KCNH4: variants seen among roughly 807,000 people sequenced by gnomAD.
KCNH4 encodes voltage-gated delayed rectifier potassium channel KCNH4.
Under a neutral mutation model 90.7 loss-of-function variants are expected in KCNH4, and 33 were observed. The observed-to-expected ratio is 0.36, with a 90% CI of 0.28 to 0.49. The LOEUF (loss-of-function observed/expected upper bound fraction) is 0.49, where lower values mean the gene tolerates loss of function less well. Among genes scored for constraint, KCNH4 ranks in the 20% least tolerant of loss-of-function variants. The pLI, the probability that KCNH4 is intolerant of heterozygous loss-of-function variation, is 0.98. For synonymous variants in KCNH4, 551 were observed against 581.7 expected (o/e 0.95, Z 0.76); for missense variants, 1,044 against 1,387.1 (o/e 0.75, Z 3.93).
chr17:42,174,543 C>T (rs548550963), intron 6 of KCNH4, among the ~76,000 whole-genome samples: 1 of 152,290 alleles, frequency 6.6e-6, no homozygotes, highest in South Asian at 2.1e-4. Context: ...CACGTGTGCA[C>T]AGCCAGGAGA....
At chr17:42,166,697 C>T in intron 9 of KCNH4, 151 bp from the exon 10 acceptor site, 2 of 1,016,526 alleles carry the variant, frequency 2.0e-6, no homozygotes, top group Non-Finnish European at 2.8e-6. Flanking sequence ...CTGTGTCTAA[C>T]CTCAATTTTG....
intron 15 of KCNH4, 66 bp downstream of exon 15, chr17:42,162,182 G>A: frequency 4.9e-6 from 7 of 1,418,722 alleles, no homozygotes; most frequent in South Asian, 1.2e-5. Context: ...CTGACCTCAA[G>A]TGAGCCACGT....
At chr17:42,173,147 T>A (rs1297346342) in intron 6 of KCNH4, among the ~76,000 whole-genome samples, 1 of 151,874 alleles carries the variant, frequency 6.6e-6, no homozygotes, top group Admixed American at 6.6e-5. Flanking sequence ...GGGCAGGGCT[T>A]ATCTTCTGGG....
Position 42,169,495 on chromosome 17 carries a change from G to A in KCNH4, c.1572C>T (p.Ser524=), listed in dbSNP as rs141918225. The A allele has an allele frequency of 6.4e-5, 104 of 1,612,868 alleles. No homozygotes were observed. The African/African-American group carries it at 1.1e-3, about 17-fold the overall frequency. The part of the protein sequence containing the change: ...EYFQTTWAVN[S]GIDANELLRD... ...AGGCTACCTCGTTGGCGTCGATGCC[G>A]CTGTTGACGGCCCACGTGGTCTGGA... Residue 524 remains serine, a synonymous_variant, in exon 9 of 17, where the codon AGC becomes AGT. Transcript: ENST00000264661.
intron 5 of KCNH4, 61 bp from the exon 6 acceptor site, chr17:42,175,797 G>T: frequency 6.3e-7 from 1 of 1,591,470 alleles, no homozygotes; most frequent in African/African-American, 1.3e-5. Context: ...AACCGACAAA[G>T]CTGGGAACAA....
In KCNH4 at chr17:42,160,204, T is replaced by C. The variant is rs2079735952; in HGVS notation, c.2890A>G (p.Thr964Ala). 1.9e-6 allele frequency: 3 copies of C among 1,613,740 alleles called. No homozygotes were observed. The highest frequency in any genetic ancestry group is 8.5e-7 in the Non-Finnish European group (1 of 1,179,868). Residue 964 changes from threonine to alanine, a missense_variant, in exon 16 of 17, where the codon ACC becomes GCC. Around this residue, in one of 4 missense-constraint regions of KCNH4, gnomAD observed 441 missense variants for 512.3 expected, o/e 0.86. Transcript: ENST00000264661. ...AEVHCPASVG[T>A]METGTALLDL... is the part of the protein sequence containing the mutation. ...AGGAGCGCAGTCCCTGTCTCCATGG[T>C]CCCCACACTGGCTGGGCAGTGAACT...
At chr17:42,175,181 G>C (rs1185234224) in intron 6 of KCNH4, among the ~76,000 whole-genome samples, 1 of 152,218 alleles carries the variant, frequency 6.6e-6, no homozygotes, top group African/African-American at 2.4e-5. Flanking sequence ...TCACCAGTTT[G>C]GCTGTTTAGA....
In KCNH4 at chr17:42,165,824, T is replaced by C. The variant is rs1030703414; in HGVS notation, c.1841-131A>G. On this transcript the variant is annotated intron_variant, in intron 10 of 16. Transcript: ENST00000264661. ...GTTGAAGGTGGGCCAGTCAATGGGA[T>C]TGGTGGAAATAACCAATGGAATTGG... 7.6e-6 allele frequency: 8 copies of C among 1,055,458 alleles called. No homozygotes were observed. In the African/African-American group the frequency reaches 7.9e-5, roughly 10 times the overall value. The allele number at this position is 1,055,458 out of a possible 1,614,324, so 65.4% of individuals were successfully genotyped here. A position where few individuals can be genotyped will look rare whatever the true frequency, so the allele number is the denominator to read the frequency against.
chr17:42,178,971 G>A lies in KCNH4; in HGVS notation c.132C>T (p.Tyr44=). ...TGAGCTCGCAGAAGCCGTCGGAGCA[G>A]TAGACGATGGGAAAGCCCCGTGTGC... The part of the protein sequence containing the change: ...AQGTRGFPIV[Y]CSDGFCELTG... The change falls in exon 2 of 17, where the codon TAC becomes TAT. Residue 44 remains tyrosine, a synonymous_variant. Coordinates refer to ENST00000264661, the MANE Select transcript of KCNH4 (RefSeq NM_012285.3). The A allele has an allele frequency of 1.2e-6, 2 of 1,614,258 alleles. No homozygotes were observed. Among genetic ancestry groups the A allele is most frequent in the Middle Eastern group, 1.6e-4 (1 of 6,062 alleles).
At chr17:42,179,109 G>A (rs186744477) in intron 1 of KCNH4, 83 bp from the exon 2 acceptor site, 8 of 976,076 alleles carry the variant, frequency 8.2e-6, no homozygotes, top group African/African-American at 1.6e-5. Flanking sequence ...CTAAGTTGGG[G>A]TTAGAAGTCA....
chr17:42,176,509 CTTTTTTTTTTTTTTT>C (rs869250233), intron 4 of KCNH4, among the ~76,000 whole-genome samples: 28 of 68,458 alleles, frequency 4.1e-4, no homozygotes, highest in African/African-American at 1.1e-3. Context: ...GGCCCTCCTC[CTTTTTTTTTTTTTTT>C]TTTTTTTTTT....
At chr17:42,173,091 C>T (rs1463731701) in intron 6 of KCNH4, among the ~76,000 whole-genome samples, 2 of 151,650 alleles carry the variant, frequency 1.3e-5, no homozygotes, top group African/African-American at 4.8e-5. Flanking sequence ...CAAGTACCAT[C>T]TGCATTGTGG....
chr17:42,175,989 G>A (rs888463137), intron 5 of KCNH4, 65 bp downstream of exon 5: 1 of 1,532,990 alleles, frequency 6.5e-7, no homozygotes, highest in Non-Finnish European at 8.8e-7. Context: ...CCAGGAGTGG[G>A]TGAGGCTTGG....
At chr17:42,178,660 G>A in intron 2 of KCNH4, 133 bp downstream of exon 2, 1 of 1,123,026 alleles carries the variant, frequency 8.9e-7, no homozygotes, top group Non-Finnish European at 1.3e-6. Context: ...GACCAGAGAG[G>A]TCAGGGATAC....
At chr17:42,168,590 G>A (rs1350203645) in intron 9 of KCNH4, among the ~76,000 whole-genome samples, 1 of 152,034 alleles carries the variant, frequency 6.6e-6, no homozygotes, top group African/African-American at 2.4e-5. Context: ...GTTGCAGTGA[G>A]CTGAGAGCAC....
intron 9 of KCNH4, 107 bp downstream of exon 9, chr17:42,169,370 G>A (rs901486679): frequency 1.2e-5 from 13 of 1,062,946 alleles, no homozygotes; most frequent in South Asian, 2.8e-5. Context: ...GTGAGCAGCC[G>A]AGTTCGGCCT....
Position 42,163,002 on chromosome 17 carries a change from A to G in KCNH4, c.2584+226T>C, listed in dbSNP as rs926677561. 1.3e-5 allele frequency among the ~76,000 whole-genome samples: 2 copies of G among 152,158 alleles called. No homozygotes were observed. Among genetic ancestry groups the G allele is most frequent in the Non-Finnish European group, 2.9e-5 (2 of 68,020 alleles). On this transcript the variant is annotated intron_variant, in intron 14 of 16. Transcript: ENST00000264661. This position sits in a 1 kb window ranked among gnomAD's most constrained non-coding sequence, Gnocchi z 5.4. ...AGTGAGCACCTTCCTCTTCTACCAC[A>G]GAGTCCTGTTCTTGTCTGTCATGGT...
rs368156567 is a variant in KCNH4 at position 42,166,315 on chromosome 17, T to C, written c.1822A>G (p.Met608Val). 6.2e-6 allele frequency: 10 copies of C among 1,607,638 alleles called. No individual in the cohort carries two copies. The highest frequency in any genetic ancestry group is 1.7e-5 in the Admixed American group (1 of 59,072). The change falls in exon 10 of 17, where the codon ATG (methionine) becomes GTG (valine). Residue 608 changes from methionine to valine, a missense_variant. This residue lies in a region of KCNH4 where 318 missense variants were observed against 479.6 expected (regional missense o/e 0.66). Coordinates refer to ENST00000264661, the MANE Select transcript of KCNH4 (RefSeq NM_012285.3). ...SGSLEVLRDN[M>V]VLAILGKGDL... Reference sequence around the variant, plus strand: ...TCCTTACCCAGGATGGCCAGCACCATGTTGTCTCGGAGCACCTCAAGCGAG... The same window carrying C: ...TCCTTACCCAGGATGGCCAGCACCACGTTGTCTCGGAGCACCTCAAGCGAG...
At position 42,180,825 on chromosome 17, in the gene KCNH4, T is replaced by TG. The variant is rs1313005698; in HGVS notation, c.76+44dup. ...GATCCGAGACGGCCCCGAGGATACTTGCCCCCCAGCTCGAACCTCAAGCCC... is the reference window on the plus strand; with the variant it reads ...GATCCGAGACGGCCCCGAGGATACTTGGCCCCCCAGCTCGAACCTCAAGCCC... On this transcript the variant is annotated intron_variant, in intron 1 of 16. Transcript: ENST00000264661. This position sits in a 1 kb window ranked among gnomAD's most constrained non-coding sequence, Gnocchi z 4.7. 6.3e-7 allele frequency: 1 copy of TG among 1,583,136 alleles called. No individual in the cohort carries two copies. The highest frequency in any genetic ancestry group is 1.7e-5 in the Admixed American group (1 of 59,898).
Sources: allele counts gnomAD v4.1 joint callset (sites outside exome capture counted in the v4.1 genomes callset), GRCh38; gene constraint gnomAD v4.1.1; regional missense constraint gnomAD v4.1.1; non-coding constraint Gnocchi (gnomAD v3.1); transcripts MANE v1.5; gene names NCBI Gene and HGNC (gene_info 2026-07-23, HGNC 2026-07-21).